CHRM2: variants seen among roughly 807,000 people sequenced by gnomAD.
The protein encoded by CHRM2 is cholinergic receptor muscarinic 2.
In CHRM2, 8 loss-of-function variants were observed where a neutral mutation model predicts 25.0. The ratio of observed to expected loss-of-function variants is 0.32; its 90% CI spans 0.19 to 0.58. CHRM2 has a LOEUF of 0.58. Ranked by LOEUF, CHRM2 falls within the 20% of genes least tolerant of loss-of-function variation. The pLI is 0.88. For synonymous variants in CHRM2, 202 were observed against 205.7 expected (o/e 0.98, Z 0.15); for missense variants, 440 against 567.1 (o/e 0.78, Z 2.28).
intron 2 of CHRM2, among the ~76,000 whole-genome samples, chr7:136,909,820 A>C (rs573188857): frequency 1.3e-5 from 2 of 152,076 alleles, no homozygotes; most frequent in Non-Finnish European, 2.9e-5. Flanking sequence ...AATATGCATA[A>C]AAATACATTT....
At chr7:136,939,203 T>A (rs1401450042) in intron 2 of CHRM2, among the ~76,000 whole-genome samples, 1 of 152,172 alleles carries the variant, frequency 6.6e-6, no homozygotes, top group Non-Finnish European at 1.5e-5. Flanking sequence ...CAATCACCTC[T>A]TTTCCCTCTA....
chr7:136,909,551 A>G (rs1245808808), intron 2 of CHRM2, among the ~76,000 whole-genome samples: 1 of 151,962 alleles, frequency 6.6e-6, no homozygotes, highest in African/African-American at 2.4e-5. Flanking sequence ...TATTGGTCCT[A>G]GGATTTTAAT....
intron 2 of CHRM2, among the ~76,000 whole-genome samples, chr7:136,966,523 G>T (rs1292640993): frequency 6.6e-6 from 1 of 151,842 alleles, no homozygotes; most frequent in Admixed American, 6.6e-5. Context: ...AATAGAAAAG[G>T]TACATAAAGT....
At chr7:136,902,942 C>T in intron 2 of CHRM2, 1 of 348,714 alleles carries the variant, frequency 2.9e-6, no homozygotes, top group South Asian at 2.4e-5. Context: ...TTTCCTTGTT[C>T]AGTTTTTCAT....
intron 2 of CHRM2, among the ~76,000 whole-genome samples, chr7:136,891,061 G>A (rs974400497): frequency 2.0e-5 from 3 of 152,098 alleles, no homozygotes; most frequent in African/African-American, 2.4e-5. Context: ...CATAGTTTTA[G>A]AGTTACAGAA....
At chr7:136,996,067 G>A (rs189878321) in intron 3 of CHRM2, among the ~76,000 whole-genome samples, 3 of 151,872 alleles carry the variant, frequency 2.0e-5, no homozygotes, top group South Asian at 2.1e-4. Context: ...TCAAATTTGT[G>A]GAGAAAGTGT....
At chr7:136,878,043 T>A (rs1796114870) in intron 2 of CHRM2, among the ~76,000 whole-genome samples, 1 of 152,030 alleles carries the variant, frequency 6.6e-6, no homozygotes, top group Non-Finnish European at 1.5e-5. Flanking sequence ...CTGTTTTACA[T>A]TGTTGAACAC....
intron 2 of CHRM2, among the ~76,000 whole-genome samples, chr7:136,897,545 T>C (rs1332393890): frequency 6.6e-6 from 1 of 152,152 alleles, no homozygotes; most frequent in Admixed American, 6.6e-5. Flanking sequence ...TTTTTCTTAA[T>C]TGAAAATAGT....
intron 2 of CHRM2, among the ~76,000 whole-genome samples, chr7:136,912,396 A>AT (rs1797891476): frequency 6.6e-6 from 1 of 152,072 alleles, no homozygotes; most frequent in East Asian, 1.9e-4. Flanking sequence ...TGATCCATGT[A>AT]TATCATAGCA....
intron 2 of CHRM2, among the ~76,000 whole-genome samples, chr7:136,931,263 G>C (rs1377205798): frequency 6.6e-6 from 1 of 152,042 alleles, no homozygotes; most frequent in African/African-American, 2.4e-5. Context: ...AACTACTTTG[G>C]GCACAAAGAC....
At chr7:136,961,605 A>T (rs1801086457) in intron 2 of CHRM2, among the ~76,000 whole-genome samples, 1 of 152,194 alleles carries the variant, frequency 6.6e-6, no homozygotes. Flanking sequence ...TTTGGGGTAC[A>T]TTTCAATCTA....
At chr7:136,931,708 C>G (rs538426751) in intron 2 of CHRM2, among the ~76,000 whole-genome samples, 1 of 152,310 alleles carries the variant, frequency 6.6e-6, no homozygotes, top group Non-Finnish European at 1.5e-5. Context: ...CATACACTGT[C>G]CAGACTTGCC....
At chr7:136,938,701 C>G (rs1222308242) in intron 2 of CHRM2, 14 of 756,050 alleles carry the variant, frequency 1.9e-5, no homozygotes, top group South Asian at 7.1e-5. Flanking sequence ...AGGTGGACAC[C>G]TTGTAGGACT....
chr7:136,968,630 G>T (rs1801563316), intron 2 of CHRM2, among the ~76,000 whole-genome samples: 2 of 149,886 alleles, frequency 1.3e-5, no homozygotes, highest in South Asian at 2.1e-4. Context: ...ACAACCCAAA[G>T]GTCTATTGGC....
chr7:136,984,375 C>T (rs1802698816), intron 2 of CHRM2, among the ~76,000 whole-genome samples: 1 of 152,128 alleles, frequency 6.6e-6, no homozygotes, highest in African/African-American at 2.4e-5. Flanking sequence ...GCTTGCTGGG[C>T]TCCGTGGGTG....
intron 2 of CHRM2, among the ~76,000 whole-genome samples, chr7:136,983,769 C>G (rs1014218814): frequency 6.6e-6 from 1 of 152,202 alleles, no homozygotes; most frequent in African/African-American, 2.4e-5. Flanking sequence ...GCAGAGGCTG[C>G]AGAACAGCAA....
At chr7:136,984,094 C>G (rs1339436680) in intron 2 of CHRM2, among the ~76,000 whole-genome samples, 1 of 152,142 alleles carries the variant, frequency 6.6e-6, no homozygotes, top group Non-Finnish European at 1.5e-5. Flanking sequence ...TTATCTATAA[C>G]CCCCTGACTG....
At chr7:136,938,986 C>T (rs934069794) in intron 2 of CHRM2, among the ~76,000 whole-genome samples, 19 of 114,646 alleles carry the variant, frequency 1.7e-4, no homozygotes, top group Non-Finnish European at 2.8e-4. Context: ...AGCCATCAAA[C>T]ATTAATATAA....
chr7:136,990,385 C>T (rs1189678670), intron 2 of CHRM2, among the ~76,000 whole-genome samples: 1 of 152,126 alleles, frequency 6.6e-6, no homozygotes, highest in Non-Finnish European at 1.5e-5. Flanking sequence ...AACTCCATCC[C>T]TGGCAATTTC....
Sources: gnomAD v4.1 joint callset for allele counts (sites outside exome capture counted in the v4.1 genomes callset) on GRCh38, gnomAD v4.1.1 for gene constraint, MANE v1.5 for transcripts, NCBI Gene and HGNC (gene_info 2026-07-23, HGNC 2026-07-21) for gene names.